Variants in FAT1 observed in about 807,000 individuals in gnomAD.
The protein encoded by FAT1 is FAT atypical cadherin 1.
Under a neutral mutation model 329.8 loss-of-function variants are expected in FAT1, and 171 were observed. That is an observed-to-expected ratio of 0.52 (90% CI 0.46 to 0.59). The LOEUF (loss-of-function observed/expected upper bound fraction) is 0.59. Ranked by LOEUF, FAT1 falls within the 20% of genes least tolerant of loss-of-function variation. The pLI is 0.00. For missense variants in FAT1, 5,672 were observed against 5,774.4 expected, an observed-to-expected ratio of 0.98 and a Z score of 0.57; for synonymous variants, 2,233 against 2,228.6, an observed-to-expected ratio of 1.00 and a Z score of -0.06.
chr4:186,714,852 G>A (rs548411580), intron 1 of FAT1, among the ~76,000 whole-genome samples: 1 of 152,336 alleles, frequency 6.6e-6, no homozygotes, highest in South Asian at 2.1e-4. Context: ...GGCCGAGGCA[G>A]GCGGATCACG....
chr4:186,690,962 T>C (rs1431737994), intron 2 of FAT1, among the ~76,000 whole-genome samples: 1 of 152,218 alleles, frequency 6.6e-6, no homozygotes, highest in Non-Finnish European at 1.5e-5. Flanking sequence ...TTTCATCTGT[T>C]ATATTCTTTT....
At chr4:186,711,401 C>G (rs1744944417) in intron 1 of FAT1, among the ~76,000 whole-genome samples, 1 of 151,510 alleles carries the variant, frequency 6.6e-6, no homozygotes, top group African/African-American at 2.4e-5. Context: ...AATAAGAAAA[C>G]AATTTTCTCC....
intron 2 of FAT1, among the ~76,000 whole-genome samples, chr4:186,693,442 C>T (rs1476139625): frequency 6.9e-6 from 1 of 145,122 alleles, no homozygotes; most frequent in Admixed American, 6.7e-5. Context: ...AGCGGATTTG[C>T]TGCTTTCCTC....
At position 186,619,538 on chromosome 4, in the gene FAT1, A is replaced by G. The variant is rs186948220; in HGVS notation, c.7048T>C (p.Tyr2350His). ...ATCGTGTGCTGCCGGGACTGCTCGT[A>G]ATCCAGGGTTCTGAGTAGTGAGATG... The part of the protein sequence containing the change: ...GLISLLRTLD[Y>H]EQSRQHTIFV... Residue 2350 changes from tyrosine (Y) to histidine (H), a missense_variant, in exon 10 of 27, where the codon TAC (tyrosine) becomes CAC (histidine). Coordinates refer to ENST00000441802, the MANE Select transcript of FAT1 (RefSeq NM_005245.4). The G allele has an allele frequency of 2.9e-5, 47 of 1,613,932 alleles. No individual in the cohort carries two copies.
intron 2 of FAT1, among the ~76,000 whole-genome samples, chr4:186,693,853 T>C (rs952892537): frequency 6.6e-6 from 1 of 152,232 alleles, no homozygotes; most frequent in Non-Finnish European, 1.5e-5. Context: ...CCACTTGAGT[T>C]TCTCATGTAT....
chr4:186,678,786 C>T (rs921087785), intron 2 of FAT1, among the ~76,000 whole-genome samples: 1 of 151,926 alleles, frequency 6.6e-6, no homozygotes, highest in Non-Finnish European at 1.5e-5. Flanking sequence ...GACAGTGTGG[C>T]GATTCCTTAA....
chr4:186,668,267 C>CTCTA (rs373040324), intron 2 of FAT1, among the ~76,000 whole-genome samples: 106 of 152,290 alleles, frequency 7.0e-4, no homozygotes, highest in African/African-American at 2.5e-3. Context: ...AGCCCGAGAT[C>CTCTA]TCTAGGTCAA....
Position 186,613,172 on chromosome 4 carries a change from C to A in FAT1, c.9400G>T (p.Val3134Leu), listed in dbSNP as rs777328292. The A allele has an allele frequency of 6.2e-7, 1 of 1,613,766 alleles. No homozygotes were observed. Among genetic ancestry groups the A allele is most frequent in the African/African-American group, 1.3e-5 (1 of 75,008 alleles). ...GTTCCCGGCTCTGTGTTTTCAAACA[C>A]GGTGATGGCATAAGGATCGGCAGAG... ...EFSADPYAIT[V>L]FENTEPGTLL... is the part of the protein sequence containing the mutation. The change falls in exon 13 of 27, where the codon GTG (valine) becomes TTG (leucine). Residue 3134 changes from valine (V) to leucine (L), a missense_variant. By Grantham distance (32) the Val-to-Leu change is conservative. Transcript: ENST00000441802.
At chr4:186,694,247 A>G (rs1219495162) in intron 2 of FAT1, among the ~76,000 whole-genome samples, 1 of 152,116 alleles carries the variant, frequency 6.6e-6, no homozygotes, top group African/African-American at 2.4e-5. Flanking sequence ...ATTTCTCATA[A>G]CGCTCAACCT....
chr4:186,639,001 C>T (rs1740972555), intron 4 of FAT1, among the ~76,000 whole-genome samples: 2 of 149,612 alleles, frequency 1.3e-5, no homozygotes, highest in Admixed American at 6.6e-5. Flanking sequence ...TTACGCTCCA[C>T]CTTCCCTCTC....
chr4:186,619,740 C>A lies in FAT1; in HGVS notation c.6846G>T (p.Val2282=), dbSNP rs1001910735. The A allele has an allele frequency of 6.2e-7, 1 of 1,613,996 alleles. No individual in the cohort carries two copies. Among genetic ancestry groups the A allele is most frequent in the East Asian group, 2.2e-5 (1 of 44,878 alleles). Residue 2282 remains valine (V), a synonymous_variant, in exon 10 of 27, where the codon GTG becomes GTT. Transcript: ENST00000441802. ...IVDDINDNPP[V]FAQQSYAVTL... is the part of the protein sequence containing the mutation. The stretch of plus-strand genomic sequence containing the variant: ...TCACCGCATAAGACTGCTGAGCAAA[C>A]ACAGGAGGGTTATCATTGATGTCGT...
chr4:186,635,963 C>T, intron 6 of FAT1, 62 bp downstream of exon 6: 1 of 1,432,456 alleles, frequency 7.0e-7, no homozygotes, highest in Non-Finnish European at 9.8e-7. Context: ...ACTCATCAAA[C>T]CGTATGCAGG....
In FAT1 at chr4:186,588,674, C is replaced by T. The variant is rs1579277624; in HGVS notation, c.13685G>A (p.Ser4562Asn). The change falls in exon 27 of 27, where the codon AGT becomes AAT. Residue 4562 changes from serine (S) to asparagine (N), a missense_variant. Physicochemically the swap from Ser to Asn is conservative, Grantham distance 46. Coordinates refer to ENST00000441802, the MANE Select transcript of FAT1 (RefSeq NM_005245.4). ...GCCGTCGTCCCCGCTCTCATAGTCA[C>T]TCATCATGACCTCGGACTCCACTTC... ...CCEVESEVMM[S>N]DYESGDDGHF... is the part of the protein sequence containing the mutation. 6.2e-7 allele frequency: 1 copy of T among 1,614,004 alleles called. No homozygotes were observed. Among genetic ancestry groups the T allele is most frequent in the East Asian group, 2.2e-5 (1 of 44,876 alleles).
intron 2 of FAT1, among the ~76,000 whole-genome samples, chr4:186,664,898 CCTATG>C (rs1262437532): frequency 1.3e-5 from 2 of 152,188 alleles, no homozygotes; most frequent in East Asian, 3.8e-4. Flanking sequence ...ACCAATTTTA[CCTATG>C]CTCAGCAATG....
chr4:186,631,725 C>A (rs758811995), intron 7 of FAT1, among the ~76,000 whole-genome samples: 1 of 150,380 alleles, frequency 6.6e-6, no homozygotes, highest in Admixed American at 6.6e-5. Context: ...TGTCTCACTG[C>A]CCAGGTGACT....
At chr4:186,691,083 G>A (rs1037239695) in intron 2 of FAT1, among the ~76,000 whole-genome samples, 10 of 151,926 alleles carry the variant, frequency 6.6e-5, no homozygotes, top group East Asian at 5.8e-4. Context: ...AACGAGTAAC[G>A]GTAAAAAGTG....
intron 2 of FAT1, among the ~76,000 whole-genome samples, chr4:186,668,040 C>T (rs995832413): frequency 1.3e-5 from 2 of 152,184 alleles, no homozygotes; most frequent in Non-Finnish European, 2.9e-5. Flanking sequence ...CTTCCTCATG[C>T]ATGCAGGACA....
chr4:186,616,440 A>T lies in FAT1; in HGVS notation c.9075+565T>A, dbSNP rs562345909. Among the ~76,000 whole-genome samples, 11 of 151,976 alleles carry T rather than the reference A, an allele frequency of 7.2e-5. No individual in the cohort carries two copies. The East Asian group carries it at 1.9e-3, about 27-fold the overall frequency. On this transcript the variant is annotated intron_variant, in intron 11 of 26. Coordinates refer to ENST00000441802, the MANE Select transcript of FAT1 (RefSeq NM_005245.4). ...ACCCACTTACTGCCCCCCGAAGCTG[A>T]GCCAGCCCTTTCTCTGGGCAGCCCT...
At chr4:186,655,547 G>A (rs1741865126) in intron 3 of FAT1, among the ~76,000 whole-genome samples, 1 of 151,724 alleles carries the variant, frequency 6.6e-6, no homozygotes, top group Non-Finnish European at 1.5e-5. Flanking sequence ...CTATTCTCAT[G>A]CCTCAGCCTC....
Sources: gnomAD v4.1 joint callset for allele counts (sites outside exome capture counted in the v4.1 genomes callset) on GRCh38, gnomAD v4.1.1 for gene constraint, MANE v1.5 for transcripts, NCBI Gene and HGNC (gene_info 2026-07-23, HGNC 2026-07-21) for gene names.